The following EPHB3 variants were observed in gnomAD, a reference collection of about 807,000 sequenced individuals.
EPHB3 encodes EPH receptor B3, also known as ephrin type-B receptor 3.
A neutral mutation model predicts 100.2 loss-of-function variants in EPHB3; 33 were observed. The observed-to-expected ratio is 0.33, with a 90% CI of 0.25 to 0.44. The LOEUF is 0.44. Ranked by LOEUF, EPHB3 falls within the 20% of genes least tolerant of loss-of-function variation. The pLI is 1.00. For missense variants in EPHB3, 1,045 were observed against 1,378.3 expected, an observed-to-expected ratio of 0.76 and a Z score of 3.83; for synonymous variants, 526 against 554.7, an observed-to-expected ratio of 0.95 and a Z score of 0.73.
In EPHB3 at chr3:184,575,819, C is replaced by T. The variant is rs1178357182; in HGVS notation, c.857-11C>T. ...GGAGGTGAGCCCCATTCATCCTCTT[C>T]TCTCCCACAGCCTGTCCCCCTGGGA... is the stretch of plus-strand genomic sequence containing the variant. On this transcript the variant is annotated splice_polypyrimidine_tract_variant and intron_variant, in intron 3 of 15. Coordinates refer to ENST00000330394, the MANE Select transcript of EPHB3 (RefSeq NM_004443.4). 6.3e-7 allele frequency: 1 copy of T among 1,584,284 alleles called. No homozygotes were observed. The highest frequency in any genetic ancestry group is 1.2e-5 in the South Asian group (1 of 85,524).
At chr3:184,574,167 C>G (rs933252337) in intron 3 of EPHB3, among the ~76,000 whole-genome samples, 1 of 152,222 alleles carries the variant, frequency 6.6e-6, no homozygotes, top group Non-Finnish European at 1.5e-5. Flanking sequence ...GCACAGCCAC[C>G]AGCTAAGTGT....
In EPHB3 at chr3:184,580,010, A is replaced by C; in HGVS notation, c.2172+76A>C. 1.9e-6 allele frequency: 3 copies of C among 1,555,816 alleles called. No individual in the cohort carries two copies. In the South Asian group the frequency reaches 3.7e-5, roughly 19 times the overall value. On this transcript the variant is annotated intron_variant, in intron 11 of 15. Coordinates refer to ENST00000330394, the MANE Select transcript of EPHB3 (RefSeq NM_004443.4). ...CTCACCATCCCCTCCCACAAGTCAG[A>C]CAGCCCCTATTCAAGTCCATAAGCA... is the stretch of plus-strand genomic sequence containing the variant.
rs1353353673 is a variant in EPHB3, at chr3:184,576,961, A to C, written c.1132A>C (p.Lys378Gln). Reference sequence around the variant, plus strand: ...TGACCTCCTGTACAATGTCATCTGCAAGAAGTGCCATGGGGCTGGAGGGGC... The same window carrying C: ...TGACCTCCTGTACAATGTCATCTGCCAGAAGTGCCATGGGGCTGGAGGGGC... The part of the protein sequence containing the change: ...RDDLLYNVIC[K>Q]KCHGAGGASA... The change falls in exon 5 of 16, where the codon AAG becomes CAG. Residue 378 changes from lysine to glutamine, a missense_variant. Transcript: ENST00000330394. 2 of 1,612,520 alleles carry C rather than the reference A, an allele frequency of 1.2e-6. No homozygotes were observed. The highest frequency in any genetic ancestry group is 2.7e-5 in the African/African-American group (2 of 74,918).
In EPHB3 at chr3:184,573,899, T is replaced by G. The variant is rs1034133735; in HGVS notation, c.856+723T>G. Among the ~76,000 whole-genome samples the G allele has an allele frequency of 6.6e-6, 1 of 152,028 alleles. No individual in the cohort carries two copies. The highest frequency in any genetic ancestry group is 2.4e-5 in the African/African-American group (1 of 41,386). On this transcript the variant is annotated intron_variant, in intron 3 of 15. Transcript: ENST00000330394. This position sits in a 1 kb window ranked among gnomAD's most constrained non-coding sequence, Gnocchi z 4.5. ...CACCCAGCTAATTTTGTATTTTTAG[T>G]AGACCGGGTTTCACCATGTTGGTCA...
intron 4 of EPHB3, among the ~76,000 whole-genome samples, chr3:184,576,481 T>C (rs1714680363): frequency 6.6e-6 from 1 of 152,180 alleles, no homozygotes; most frequent in South Asian, 2.1e-4. Context: ...GTGAATAAGA[T>C]ACAGTCATTG....
At position 184,572,807 on chromosome 3, in the gene EPHB3, G is replaced by A. The variant is rs1394989797; in HGVS notation, c.487G>A (p.Asp163Asn). 4 of 1,584,182 alleles carry A rather than the reference G, an allele frequency of 2.5e-6. No homozygotes were observed. Among genetic ancestry groups the A allele is most frequent in the Non-Finnish European group, 3.4e-6 (4 of 1,165,740 alleles). ...CGTGAAAGTGGACACCATTGCACCC[G>A]ATGAGAGCTTCTCGCGGCTGGATGC... ...PYVKVDTIAP[D>N]ESFSRLDAGR... The change falls in exon 3 of 16, where the codon GAT becomes AAT. Residue 163 changes from aspartate (D) to asparagine (N), a missense_variant. By Grantham distance (23) the Asp-to-Asn change is conservative. Transcript: ENST00000330394. This position sits in a 1 kb window ranked among gnomAD's most constrained non-coding sequence, Gnocchi z 6.6.
chr3:184,562,300 C>CGCTGCT lies in EPHB3; in HGVS notation c.74_79dup (p.Leu25_Leu26dup), dbSNP rs771069268. 37 of 1,249,326 alleles carry CGCTGCT rather than the reference C, an allele frequency of 3.0e-5. No individual in the cohort carries two copies. The African/African-American group carries it at 4.4e-4, about 15-fold the overall frequency. 77.4% of individuals were successfully genotyped at this position (1,249,326 alleles called of 1,614,324 possible). On this transcript the variant is annotated inframe_insertion, in exon 1 of 16. Transcript: ENST00000330394. The surrounding 1 kb of genome is among the most constrained non-coding windows in gnomAD (Gnocchi z 4.8). ...CCGGGGCTTCTGCCGCTGCTCCCTCCGCTGCTGCTGCTGCCGCTGCTGCTG... is the reference window on the plus strand; with the variant it reads ...CCGGGGCTTCTGCCGCTGCTCCCTCCGCTGCTGCTGCTGCTGCTGCCGCTGCTGCTG...
Position 184,579,571 on chromosome 3 carries a change from C to T in EPHB3, c.1896C>T (p.Cys632=), listed in dbSNP as rs144286014. Residue 632 remains cysteine, a synonymous_variant, in exon 10 of 16, where the codon TGC becomes TGT. Coordinates refer to ENST00000330394, the MANE Select transcript of EPHB3 (RefSeq NM_004443.4). The surrounding 1 kb of genome is among the most constrained non-coding windows in gnomAD (Gnocchi z 5.2). ...TTGCCAAGGAGATCGACGTGTCCTGCGTCAAGATCGAGGAGGTGATCGGAG... is the reference window on the plus strand; with the variant it reads ...TTGCCAAGGAGATCGACGTGTCCTGTGTCAAGATCGAGGAGGTGATCGGAG... ...REFAKEIDVS[C]VKIEEVIGAG... 43 of 1,613,864 alleles carry T rather than the reference C, an allele frequency of 2.7e-5. No homozygotes were observed. The highest frequency in any genetic ancestry group is 4.5e-5 in the East Asian group (2 of 44,874).
rs766188421 is a variant in EPHB3 at position 184,571,398 on chromosome 3, C to A, written c.183+16C>A. ...AGAAAGTGGGGTGAGGCTTTCCCAT[C>A]ATTCTCCTGAGTGTTGTTTGCCATT... is the stretch of plus-strand genomic sequence containing the variant. On this transcript the variant is annotated intron_variant, in intron 2 of 15. Transcript: ENST00000330394. This position sits in a 1 kb window ranked among gnomAD's most constrained non-coding sequence, Gnocchi z 5.0. 1.2e-6 allele frequency: 2 copies of A among 1,613,768 alleles called. No homozygotes were observed. Among genetic ancestry groups the A allele is most frequent in the South Asian group, 1.1e-5 (1 of 91,068 alleles).
chr3:184,577,046 C>T lies in EPHB3; in HGVS notation c.1217C>T (p.Thr406Met), dbSNP rs769913740. 2.0e-5 allele frequency: 33 copies of T among 1,613,696 alleles called. No homozygotes were observed. The highest frequency in any genetic ancestry group is 1.6e-4 in the East Asian group (7 of 44,898). The stretch of plus-strand genomic sequence containing the variant: ...TTTGTGCCTCGGCAGCTGGGCCTGA[C>T]GGAGCGCCGGGTCCACATCAGCCAT... ...VEFVPRQLGL[T>M]ERRVHISHLL... Residue 406 changes from threonine (T) to methionine (M), a missense_variant, in exon 5 of 16, where the codon ACG becomes ATG. Coordinates refer to ENST00000330394, the MANE Select transcript of EPHB3 (RefSeq NM_004443.4). This position sits in a 1 kb window ranked among gnomAD's most constrained non-coding sequence, Gnocchi z 4.9.
At chr3:184,568,218 T>C (rs1714444241) in intron 1 of EPHB3, among the ~76,000 whole-genome samples, 1 of 152,154 alleles carries the variant, frequency 6.6e-6, no homozygotes, top group South Asian at 2.1e-4. Flanking sequence ...GCTTAGCTCC[T>C]GAGCATCAAA....
rs1321446410 is a variant in EPHB3 at position 184,563,812 on chromosome 3, G to T, written c.118+1459G>T. 6.6e-6 allele frequency among the ~76,000 whole-genome samples: 1 copy of T among 152,232 alleles called. No homozygotes were observed. Among genetic ancestry groups the T allele is most frequent in the Admixed American group, 6.5e-5 (1 of 15,288 alleles). Reference sequence around the variant, plus strand: ...GCCAGATCTGTGTCTGGGTCTCTGTGTCGTAGTCCAGGAGAGGCGACACTG... The same window carrying T: ...GCCAGATCTGTGTCTGGGTCTCTGTTTCGTAGTCCAGGAGAGGCGACACTG... On this transcript the variant is annotated intron_variant, in intron 1 of 15. Coordinates refer to ENST00000330394, the MANE Select transcript of EPHB3 (RefSeq NM_004443.4). This position sits in a 1 kb window ranked among gnomAD's most constrained non-coding sequence, Gnocchi z 4.1.
Position 184,578,239 on chromosome 3 carries a change from G to A in EPHB3, c.1749-175G>A, listed in dbSNP as rs1577530598. 2.3e-5 allele frequency: 23 copies of A among 982,606 alleles called. No homozygotes were observed. In the South Asian group the frequency reaches 3.4e-4, roughly 14 times the overall value. The allele number at this position is 982,606 out of a possible 1,614,324, so 60.9% of individuals were successfully genotyped here. The stretch of plus-strand genomic sequence containing the variant: ...TCCGGGCAGGTTCCCTAGGGACTGA[G>A]TCCACTGAACCCCTTGCTCAGACAC... On this transcript the variant is annotated intron_variant, in intron 8 of 15. Transcript: ENST00000330394. The surrounding 1 kb of genome is among the most constrained non-coding windows in gnomAD (Gnocchi z 4.7).
At chr3:184,567,715 A>T (rs1714421826) in intron 1 of EPHB3, among the ~76,000 whole-genome samples, 1 of 152,230 alleles carries the variant, frequency 6.6e-6, no homozygotes, top group Non-Finnish European at 1.5e-5. Flanking sequence ...TTGTGTTTGC[A>T]CTTTACACCG....
chr3:184,568,078 C>CG (rs1714440295), intron 1 of EPHB3, among the ~76,000 whole-genome samples: 2 of 152,068 alleles, frequency 1.3e-5, no homozygotes, highest in Non-Finnish European at 2.9e-5. Flanking sequence ...GCCCCAGTGG[C>CG]GGGGAGTGAG....
Position 184,580,726 on chromosome 3 carries a change from C to T in EPHB3, c.2389-3C>T. On this transcript the variant is annotated splice_region_variant and splice_polypyrimidine_tract_variant and intron_variant, in intron 12 of 15. Coordinates refer to ENST00000330394, the MANE Select transcript of EPHB3 (RefSeq NM_004443.4). ...GGTGAAGGGCCTGTGCCCCCCTCAC[C>T]AGGGCGGGAAGATCCCCATCCGCTG... 1.2e-6 allele frequency: 2 copies of T among 1,613,646 alleles called. No individual in the cohort carries two copies. The highest frequency in any genetic ancestry group is 1.7e-6 in the Non-Finnish European group (2 of 1,179,720).
intron 1 of EPHB3, among the ~76,000 whole-genome samples, chr3:184,566,689 C>G (rs982004110): frequency 6.6e-6 from 1 of 152,316 alleles, no homozygotes; most frequent in East Asian, 1.9e-4. Context: ...CAGGCTGCTC[C>G]TCCTTGCGCA....
chr3:184,579,933 G>C lies in EPHB3; in HGVS notation c.2171G>C (p.Arg724Pro). Reference sequence around the variant, plus strand: ...AACTGCGCCCTGGACTCCTTCCTCCGGGTAAGAGCCAGCCCCCAGGCCCTC... The same window carrying C: ...AACTGCGCCCTGGACTCCTTCCTCCCGGTAAGAGCCAGCCCCCAGGCCCTC... The part of the protein sequence containing the change: ...MENCALDSFL[R>P]LNDGQFTVIQ... The change falls in exon 11 of 16, where the codon CGG becomes CCG. Residue 724 changes from arginine to proline, a missense_variant and splice_region_variant. Arg to Pro is a moderately radical substitution (Grantham distance 103, BLOSUM62 -2). Coordinates refer to ENST00000330394, the MANE Select transcript of EPHB3 (RefSeq NM_004443.4). The surrounding 1 kb of genome is among the most constrained non-coding windows in gnomAD (Gnocchi z 5.2). The C allele has an allele frequency of 6.2e-7, 1 of 1,612,512 alleles. No homozygotes were observed. Among genetic ancestry groups the C allele is most frequent in the Non-Finnish European group, 8.5e-7 (1 of 1,179,370 alleles).
chr3:184,573,024 T>G lies in EPHB3; in HGVS notation c.704T>G (p.Val235Gly). The G allele has an allele frequency of 6.2e-7, 1 of 1,613,016 alleles. No homozygotes were observed. Among genetic ancestry groups the G allele is most frequent in the Non-Finnish European group, 8.5e-7 (1 of 1,179,868 alleles). Residue 235 changes from valine to glycine, a missense_variant, in exon 3 of 16, where the codon GTC (valine) becomes GGC (glycine). Val to Gly is a moderately radical substitution (Grantham distance 109). Transcript: ENST00000330394. This position sits in a 1 kb window ranked among gnomAD's most constrained non-coding sequence, Gnocchi z 4.5. ...ACTGGGGCGGAGCCCACCTCGCTGGTCATTGCTCCTGGCACCTGCATCCCT... is the reference window on the plus strand; with the variant it reads ...ACTGGGGCGGAGCCCACCTCGCTGGGCATTGCTCCTGGCACCTGCATCCCT... ...TLTGAEPTSL[V>G]IAPGTCIPNA...
Sources: gnomAD v4.1 joint callset for allele counts (sites outside exome capture counted in the v4.1 genomes callset) on GRCh38, gnomAD v4.1.1 for gene constraint, Gnocchi (gnomAD v3.1) non-coding constraint, MANE v1.5 for transcripts, NCBI Gene and HGNC (gene_info 2026-07-23, HGNC 2026-07-21) for gene names.